Variants in OR4C15 observed in about 807,000 individuals in gnomAD.
OR4C15 encodes olfactory receptor 4C15.
For synonymous variants in OR4C15, 216 were observed against 134.0 expected, an observed-to-expected ratio of 1.61 and a Z score of -4.22; for missense variants, 697 against 377.5, an observed-to-expected ratio of 1.85 and a Z score of -7.01.
At position 55,555,032 on chromosome 11, in the gene OR4C15, C is replaced by T. The variant is rs778513931; in HGVS notation, c.564C>T (p.Cys188=). Residue 188 remains cysteine, a synonymous_variant, in exon 1 of 1, where the codon TGC becomes TGT. Coordinates refer to ENST00000642128, the MANE Select transcript of OR4C15 (RefSeq NM_001001920.3). The stretch of plus-strand genomic sequence containing the variant: ...TGTACCCGTTACTGGAGCTTGCCTG[C>T]ACTGATACTCACATCTTTGGCCTCA... ...CDLYPLLELA[C]TDTHIFGLMV... 1 of 1,613,810 alleles carries T rather than the reference C, an allele frequency of 6.2e-7. No homozygotes were observed. The highest frequency in any genetic ancestry group is 8.5e-7 in the Non-Finnish European group (1 of 1,179,910).
Position 55,555,279 on chromosome 11 carries a change from G to A in OR4C15, c.811G>A (p.Ala271Thr), listed in dbSNP as rs774180559. The A allele has an allele frequency of 5.0e-6, 8 of 1,613,678 alleles. No homozygotes were observed. The highest frequency in any genetic ancestry group is 2.2e-5 in the South Asian group (2 of 91,070). Residue 271 changes from alanine (A) to threonine (T), a missense_variant, in exon 1 of 1, where the codon GCA becomes ACA. Transcript: ENST00000642128. ...TGCTTTTTCCCTTGACAAAATGGCG[G>A]CAATATTTTATATCATCTTAAATCC... Reference protein sequence around the residue: ...PSAFSLDKMAAIFYIILNPLL... With the variant: ...PSAFSLDKMATIFYIILNPLL...
Position 55,555,344 on chromosome 11 carries a change from A to T in OR4C15, c.876A>T (p.Glu292Asp). Residue 292 changes from glutamate (E) to aspartate (D), a missense_variant, in exon 1 of 1, where the codon GAA becomes GAT. Transcript: ENST00000642128. ...TGATTTACACTTTCAGGAATAAGGA[A>T]GTAAAACAGGCCATGAGGAGAATAT... ...NPLIYTFRNK[E>D]VKQAMRRIWN... The T allele has an allele frequency of 3.1e-6, 5 of 1,613,710 alleles. No homozygotes were observed. The highest frequency in any genetic ancestry group is 4.2e-6 in the Non-Finnish European group (5 of 1,179,724).
At position 55,554,933 on chromosome 11, in the gene OR4C15, C is replaced by G; in HGVS notation, c.465C>G (p.Ser155=). The change falls in exon 1 of 1, where the codon TCC becomes TCG. Residue 155 remains serine, a synonymous_variant. Transcript: ENST00000642128. ...GVAWTGGLLH[S]MIQILFTFQL... The stretch of plus-strand genomic sequence containing the variant: ...CCTGGACAGGGGGCCTCTTGCATTC[C>G]ATGATACAAATTCTTTTTACTTTCC... The G allele has an allele frequency of 6.2e-7, 1 of 1,613,968 alleles. No individual in the cohort carries two copies. Among genetic ancestry groups the G allele is most frequent in the Admixed American group, 1.7e-5 (1 of 59,942 alleles).
Position 55,555,377 on chromosome 11 carries a change from A to C in OR4C15, c.909A>C (p.Arg303Ser). The change falls in exon 1 of 1, where the codon AGA becomes AGC. Residue 303 changes from arginine to serine, a missense_variant. Physicochemically the swap from Arg to Ser is moderately radical, Grantham distance 110. Transcript: ENST00000642128. ...AGGCCATGAGGAGAATATGGAACAG[A>C]CTGATGGTGGTTTCTGATGAGAAAG... ...VKQAMRRIWN[R>S]LMVVSDEKEN... The C allele has an allele frequency of 6.2e-7, 1 of 1,603,678 alleles. No individual in the cohort carries two copies.
At position 55,555,205 on chromosome 11, in the gene OR4C15, T is replaced by C. The variant is rs757446993; in HGVS notation, c.737T>C (p.Val246Ala). 2 of 1,614,010 alleles carry C rather than the reference T, an allele frequency of 1.2e-6. No homozygotes were observed. The highest frequency in any genetic ancestry group is 1.1e-5 in the South Asian group (1 of 91,080). ...ACCTGTGGATCTCACATTGCTGTTG[T>C]GATTTTGTTCTTTGTCCCATGCATA... is the stretch of plus-strand genomic sequence containing the variant. ...LSTCGSHIAV[V>A]ILFFVPCIFV... The change falls in exon 1 of 1, where the codon GTG becomes GCG. Residue 246 changes from valine to alanine, a missense_variant. Coordinates refer to ENST00000642128, the MANE Select transcript of OR4C15 (RefSeq NM_001001920.3).
In OR4C15 at chr11:55,554,969, T is replaced by C; in HGVS notation, c.501T>C (p.Phe167=). 6.2e-7 allele frequency: 1 copy of C among 1,613,918 alleles called. No individual in the cohort carries two copies. Among genetic ancestry groups the C allele is most frequent in the Non-Finnish European group, 8.5e-7 (1 of 1,179,946 alleles). The part of the protein sequence containing the change: ...IQILFTFQLP[F]CGPNVINHFM... Reference sequence around the variant, plus strand: ...TTCTTTTTACTTTCCAGCTTCCCTTTTGTGGCCCCAATGTCATCAATCACT... The same window carrying C: ...TTCTTTTTACTTTCCAGCTTCCCTTCTGTGGCCCCAATGTCATCAATCACT... The change falls in exon 1 of 1, where the codon TTT becomes TTC. Residue 167 remains phenylalanine, a synonymous_variant. Coordinates refer to ENST00000642128, the MANE Select transcript of OR4C15 (RefSeq NM_001001920.3).
chr11:55,555,029 C>T lies in OR4C15; in HGVS notation c.561C>T (p.Ala187=), dbSNP rs775878464. 1 of 1,613,718 alleles carries T rather than the reference C, an allele frequency of 6.2e-7. No individual in the cohort carries two copies. Among genetic ancestry groups the T allele is most frequent in the Non-Finnish European group, 8.5e-7 (1 of 1,179,926 alleles). Residue 187 remains alanine, a synonymous_variant, in exon 1 of 1, where the codon GCC becomes GCT. Transcript: ENST00000642128. ...ACTTGTACCCGTTACTGGAGCTTGC[C>T]TGCACTGATACTCACATCTTTGGCC... ...MCDLYPLLEL[A]CTDTHIFGLM...
At position 55,555,163 on chromosome 11, in the gene OR4C15, G is replaced by A. The variant is rs146600946; in HGVS notation, c.695G>A (p.Arg232His). Reference sequence around the variant, plus strand: ...CTGAGAACACACAGTTCTGAAGGGCGCTGGAAAGCTCTCTCCACCTGTGGA... The same window carrying A: ...CTGAGAACACACAGTTCTGAAGGGCACTGGAAAGCTCTCTCCACCTGTGGA... ...LSLRTHSSEG[R>H]WKALSTCGSH... Residue 232 changes from arginine (R) to histidine (H), a missense_variant, in exon 1 of 1, where the codon CGC becomes CAC. By Grantham distance (29) the Arg-to-His change is conservative (BLOSUM62 0). Coordinates refer to ENST00000642128, the MANE Select transcript of OR4C15 (RefSeq NM_001001920.3). 1,543 of 1,613,852 alleles carry A rather than the reference G, an allele frequency of 9.6e-4. 7 individuals are homozygous for A. The East Asian group carries it at 0.013, about 13-fold the overall frequency.
chr11:55,555,171 G>T lies in OR4C15; in HGVS notation c.703G>T (p.Ala235Ser), dbSNP rs765904689. The change falls in exon 1 of 1, where the codon GCT (alanine) becomes TCT (serine). Residue 235 changes from alanine (A) to serine (S), a missense_variant. By Grantham distance (99) the Ala-to-Ser change is moderately conservative. Transcript: ENST00000642128. ...RTHSSEGRWK[A>S]LSTCGSHIAV... ...ACACAGTTCTGAAGGGCGCTGGAAA[G>T]CTCTCTCCACCTGTGGATCTCACAT... The T allele has an allele frequency of 5.6e-5, 91 of 1,613,872 alleles. No homozygotes were observed. Among genetic ancestry groups the T allele is most frequent in the Non-Finnish European group, 7.5e-5 (89 of 1,179,938 alleles).
rs748217023 is a variant in OR4C15 at position 55,555,101 on chromosome 11, C to T, written c.633C>T (p.Ser211=). ...NSGFICIINF[S]LLLVSYAVIL... ...GGTTTATCTGCATCATAAACTTCTC[C>T]TTGTTGCTTGTCTCCTATGCTGTCA... Residue 211 remains serine, a synonymous_variant, in exon 1 of 1, where the codon TCC becomes TCT. Transcript: ENST00000642128. The T allele has an allele frequency of 6.8e-6, 11 of 1,613,802 alleles. No individual in the cohort carries two copies. Among genetic ancestry groups the T allele is most frequent in the Non-Finnish European group, 9.3e-6 (11 of 1,179,940 alleles).
chr11:55,555,024 C>T lies in OR4C15; in HGVS notation c.556C>T (p.Leu186Phe), dbSNP rs141941152. ...GTGTGACTTGTACCCGTTACTGGAGCTTGCCTGCACTGATACTCACATCTT... is the reference window on the plus strand; with the variant it reads ...GTGTGACTTGTACCCGTTACTGGAGTTTGCCTGCACTGATACTCACATCTT... ...FMCDLYPLLE[L>F]ACTDTHIFGL... The change falls in exon 1 of 1, where the codon CTT becomes TTT. Residue 186 changes from leucine (L) to phenylalanine (F), a missense_variant. Transcript: ENST00000642128. The T allele has an allele frequency of 3.2e-3, 5,187 of 1,613,742 alleles. 23 individuals are homozygous for T. The highest frequency in any genetic ancestry group is 6.7e-3 in the South Asian group (614 of 91,070).
Position 55,554,784 on chromosome 11 carries a change from T to G in OR4C15, c.316T>G (p.Phe106Val). 1 of 1,614,010 alleles carries G rather than the reference T, an allele frequency of 6.2e-7. No homozygotes were observed. Among genetic ancestry groups the G allele is most frequent in the Non-Finnish European group, 8.5e-7 (1 of 1,179,958 alleles). ...CMMQLFAEHF[F>V]AGVEVIVLTA... Reference sequence around the variant, plus strand: ...GATGCAGCTCTTTGCTGAACACTTCTTTGCTGGGGTGGAGGTGATTGTCCT... The same window carrying G: ...GATGCAGCTCTTTGCTGAACACTTCGTTGCTGGGGTGGAGGTGATTGTCCT... Residue 106 changes from phenylalanine to valine, a missense_variant, in exon 1 of 1, where the codon TTT (phenylalanine) becomes GTT (valine). Phe to Val is a conservative substitution (Grantham distance 50). Coordinates refer to ENST00000642128, the MANE Select transcript of OR4C15 (RefSeq NM_001001920.3).
In OR4C15 at chr11:55,555,299, A is replaced by G. The variant is rs377159584; in HGVS notation, c.831A>G (p.Leu277=). The G allele has an allele frequency of 4.3e-6, 7 of 1,613,870 alleles. No homozygotes were observed. Among genetic ancestry groups the G allele is most frequent in the Non-Finnish European group, 5.1e-6 (6 of 1,179,896 alleles). The change falls in exon 1 of 1, where the codon TTA becomes TTG. Residue 277 remains leucine, a synonymous_variant. Coordinates refer to ENST00000642128, the MANE Select transcript of OR4C15 (RefSeq NM_001001920.3). ...DKMAAIFYII[L]NPLLNPLIYT... ...TGGCGGCAATATTTTATATCATCTTAAATCCCTTGCTCAATCCTTTGATTT... is the reference window on the plus strand; with the variant it reads ...TGGCGGCAATATTTTATATCATCTTGAATCCCTTGCTCAATCCTTTGATTT...
In OR4C15 at chr11:55,554,641, T is replaced by C. The variant is rs775341132; in HGVS notation, c.173T>C (p.Met58Thr). The stretch of plus-strand genomic sequence containing the variant: ...AGCCCTGCTCTTCTGGTGTCTCCTA[T>C]GTACTTCTTCTTGGGCTTCCTGTCC... ...LSSPALLVSP[M>T]YFFLGFLSFL... The change falls in exon 1 of 1, where the codon ATG (methionine) becomes ACG (threonine). Residue 58 changes from methionine (M) to threonine (T), a missense_variant. Physicochemically the swap from Met to Thr is moderately conservative, Grantham distance 81. Transcript: ENST00000642128. 8 of 1,613,764 alleles carry C rather than the reference T, an allele frequency of 5.0e-6. No homozygotes were observed. The highest frequency in any genetic ancestry group is 3.3e-4 in the Middle Eastern group (2 of 6,058).
chr11:55,554,790 G>T lies in OR4C15; in HGVS notation c.322G>T (p.Gly108Trp). ...MQLFAEHFFA[G>W]VEVIVLTAMA... is the part of the protein sequence containing the mutation. ...GCTCTTTGCTGAACACTTCTTTGCTGGGGTGGAGGTGATTGTCCTCACAGC... is the reference window on the plus strand; with the variant it reads ...GCTCTTTGCTGAACACTTCTTTGCTTGGGTGGAGGTGATTGTCCTCACAGC... The change falls in exon 1 of 1, where the codon GGG becomes TGG. Residue 108 changes from glycine to tryptophan, a missense_variant. By Grantham distance (184) the Gly-to-Trp change is radical. Transcript: ENST00000642128. 6.2e-7 allele frequency: 1 copy of T among 1,613,942 alleles called. No individual in the cohort carries two copies. The highest frequency in any genetic ancestry group is 8.5e-7 in the Non-Finnish European group (1 of 1,179,946).
In OR4C15 at chr11:55,555,314, T is replaced by A; in HGVS notation, c.846T>A (p.Asn282Lys). The A allele has an allele frequency of 6.2e-7, 1 of 1,613,844 alleles. No individual in the cohort carries two copies. The highest frequency in any genetic ancestry group is 1.1e-5 in the South Asian group (1 of 91,078). ...ATATCATCTTAAATCCCTTGCTCAA[T>A]CCTTTGATTTACACTTTCAGGAATA... ...IFYIILNPLL[N>K]PLIYTFRNKE... The change falls in exon 1 of 1, where the codon AAT becomes AAA. Residue 282 changes from asparagine (N) to lysine (K), a missense_variant. Coordinates refer to ENST00000642128, the MANE Select transcript of OR4C15 (RefSeq NM_001001920.3).
At position 55,555,199 on chromosome 11, in the gene OR4C15, C is replaced by G. The variant is rs140060196; in HGVS notation, c.731C>G (p.Ala244Gly). ...CTCTCCACCTGTGGATCTCACATTG[C>G]TGTTGTGATTTTGTTCTTTGTCCCA... ...KALSTCGSHI[A>G]VVILFFVPCI... is the part of the protein sequence containing the mutation. Residue 244 changes from alanine to glycine, a missense_variant, in exon 1 of 1, where the codon GCT (alanine) becomes GGT (glycine). By Grantham distance (60) the Ala-to-Gly change is moderately conservative. Transcript: ENST00000642128. 2.1e-5 allele frequency: 34 copies of G among 1,613,932 alleles called. No individual in the cohort carries two copies. The highest frequency in any genetic ancestry group is 2.9e-5 in the Non-Finnish European group (34 of 1,179,910).
Position 55,555,081 on chromosome 11 carries a change from A to G in OR4C15, c.613A>G (p.Ile205Val). The G allele has an allele frequency of 6.2e-7, 1 of 1,613,882 alleles. No homozygotes were observed. The highest frequency in any genetic ancestry group is 8.5e-7 in the Non-Finnish European group (1 of 1,179,932). The change falls in exon 1 of 1, where the codon ATC becomes GTC. Residue 205 changes from isoleucine to valine, a missense_variant. By Grantham distance (29) the Ile-to-Val change is conservative. Coordinates refer to ENST00000642128, the MANE Select transcript of OR4C15 (RefSeq NM_001001920.3). ...GLMVVINSGF[I>V]CIINFSLLLV... ...CATGGTGGTCATCAACAGTGGGTTT[A>G]TCTGCATCATAAACTTCTCCTTGTT...
rs772445929 is a variant in OR4C15 at position 55,555,028 on chromosome 11, C to T, written c.560C>T (p.Ala187Val). The T allele has an allele frequency of 1.2e-5, 19 of 1,613,794 alleles. No individual in the cohort carries two copies. Among genetic ancestry groups the T allele is most frequent in the Non-Finnish European group, 1.6e-5 (19 of 1,179,898 alleles). ...MCDLYPLLELACTDTHIFGLM... is the reference protein window; with the variant it reads ...MCDLYPLLELVCTDTHIFGLM... ...GACTTGTACCCGTTACTGGAGCTTG[C>T]CTGCACTGATACTCACATCTTTGGC... Residue 187 changes from alanine (A) to valine (V), a missense_variant, in exon 1 of 1, where the codon GCC becomes GTC. Ala to Val is a moderately conservative substitution (Grantham distance 64). Transcript: ENST00000642128.
Sources: allele counts gnomAD v4.1 joint callset, GRCh38; gene constraint gnomAD v4.1.1; transcripts MANE v1.5; gene names NCBI Gene and HGNC (gene_info 2026-07-23, HGNC 2026-07-21).